LINGO2: variants seen among roughly 807,000 people sequenced by gnomAD.
LINGO2 encodes leucine-rich repeat and immunoglobulin-like domain-containing nogo receptor-interacting protein 2.
Under a neutral mutation model 30.6 loss-of-function variants are expected in LINGO2, and 14 were observed. The observed-to-expected ratio is 0.46, with a 90% confidence interval of 0.30 to 0.72. The LOEUF is 0.72. Ranked by LOEUF, LINGO2 falls within the 30% of genes least tolerant of loss-of-function variation. The probability of loss-of-function intolerance (pLI) is 0.07; values close to 1 mark genes in which losing one functional copy is unlikely to be tolerated. For missense variants in LINGO2, 729 were observed against 751.7 expected (o/e 0.97, Z 0.35); for synonymous variants, 317 against 288.5 (o/e 1.10, Z -1.00).
At chr9:28,038,379 C>T (rs900144624) in intron 4 of LINGO2, among the ~76,000 whole-genome samples, 1 of 152,140 alleles carries the variant, frequency 6.6e-6, no homozygotes, top group African/African-American at 2.4e-5. Context: ...TGCACCTGCT[C>T]ATATTCATAA....
the LINGO2 span, among the ~76,000 whole-genome samples, chr9:28,914,875 G>A: frequency 6.6e-6 from 1 of 152,208 alleles, no homozygotes; most frequent in Non-Finnish European, 1.5e-5. Context: ...GCTCACGCCT[G>A]TAATCCCAGC....
chr9:28,054,746 C>T (rs1416741779), intron 4 of LINGO2, among the ~76,000 whole-genome samples: 1 of 152,008 alleles, frequency 6.6e-6, no homozygotes, highest in Non-Finnish European at 1.5e-5. Flanking sequence ...TATTGATATC[C>T]ACAAATACCA....
At chr9:28,095,441 G>T (rs1334558719) in intron 4 of LINGO2, among the ~76,000 whole-genome samples, 1 of 151,992 alleles carries the variant, frequency 6.6e-6, no homozygotes, top group Admixed American at 6.6e-5. Flanking sequence ...ACAAACCTGA[G>T]GAAAACAAGC....
At chr9:28,600,286 C>A (rs1179165185) in intron 1 of LINGO2, among the ~76,000 whole-genome samples, 1 of 152,084 alleles carries the variant, frequency 6.6e-6, no homozygotes, top group Non-Finnish European at 1.5e-5. Context: ...GTAATGAGGA[C>A]AAAGTCAGCT....
At chr9:29,008,902 C>A in the LINGO2 span, among the ~76,000 whole-genome samples, 2 of 152,040 alleles carry the variant, frequency 1.3e-5, no homozygotes, top group Non-Finnish European at 2.9e-5. Context: ...TAAACGTAAT[C>A]CAGCATATAA....
intron 2 of LINGO2, among the ~76,000 whole-genome samples, chr9:28,434,199 G>A (rs985304621): frequency 6.6e-6 from 1 of 151,412 alleles, no homozygotes; most frequent in African/African-American, 2.4e-5. Flanking sequence ...GGGGACTATG[G>A]GTTGTGGGAA....
chr9:28,996,443 A>T, the LINGO2 span, among the ~76,000 whole-genome samples: 1 of 152,112 alleles, frequency 6.6e-6, no homozygotes, highest in Non-Finnish European at 1.5e-5. Flanking sequence ...GGAATATGGC[A>T]CTCTTCTATG....
chr9:28,089,594 G>A (rs1341086290), intron 4 of LINGO2, among the ~76,000 whole-genome samples: 1 of 151,804 alleles, frequency 6.6e-6, no homozygotes, highest in East Asian at 1.9e-4. Flanking sequence ...TAGCACTAAA[G>A]GCCCACAAGA....
At chr9:28,064,857 A>G (rs1825265392) in intron 4 of LINGO2, among the ~76,000 whole-genome samples, 1 of 151,998 alleles carries the variant, frequency 6.6e-6, no homozygotes, top group Non-Finnish European at 1.5e-5. Flanking sequence ...TCTTGCTAGC[A>G]TGGCACTGGC....
intron 1 of LINGO2, among the ~76,000 whole-genome samples, chr9:28,499,694 C>A (rs1259964614): frequency 1.3e-5 from 2 of 152,170 alleles, no homozygotes; most frequent in Non-Finnish European, 2.9e-5. Flanking sequence ...TAGCACAGTA[C>A]ATGGCCATAG....
At chr9:28,812,484 T>C in the LINGO2 span, among the ~76,000 whole-genome samples, 1 of 152,176 alleles carries the variant, frequency 6.6e-6, no homozygotes, top group African/African-American at 2.4e-5. Flanking sequence ...TTTTCAAAAG[T>C]AGGGAACAAT....
At chr9:28,533,906 C>A (rs1385728084) in intron 1 of LINGO2, among the ~76,000 whole-genome samples, 4 of 152,222 alleles carry the variant, frequency 2.6e-5, no homozygotes, top group African/African-American at 7.2e-5. Context: ...GTTTAAATAT[C>A]TATTTTGGAC....
At chr9:29,142,650 T>C in the LINGO2 span, among the ~76,000 whole-genome samples, 2 of 151,770 alleles carry the variant, frequency 1.3e-5, no homozygotes, top group Non-Finnish European at 2.9e-5. Context: ...TGCCTCAACA[T>C]AATAAAGGCC....
chr9:28,531,069 T>C (rs1184452198), intron 1 of LINGO2, among the ~76,000 whole-genome samples: 1 of 147,644 alleles, frequency 6.8e-6, no homozygotes, highest in Non-Finnish European at 1.5e-5. Context: ...ATATATAATA[T>C]ATAAAATTCC....
At chr9:28,760,308 T>C in the LINGO2 span, among the ~76,000 whole-genome samples, 2 of 152,034 alleles carry the variant, frequency 1.3e-5, no homozygotes, top group South Asian at 2.1e-4. Flanking sequence ...ATAGGTAATT[T>C]ACATTGAATG....
chr9:29,059,550 G>C, the LINGO2 span, among the ~76,000 whole-genome samples: 1 of 151,652 alleles, frequency 6.6e-6, no homozygotes, highest in South Asian at 2.1e-4. Context: ...GAATGAAACA[G>C]ATTAAAAAGA....
At position 28,662,871 on chromosome 9, in the gene LINGO2, T is replaced by A. The variant is rs560230650; in HGVS notation, c.-365+7329A>T. ...CTTCTGACCATTCAGCAAAAAAGAC[T>A]TTGATTTCCAACATTGTGAGTAAGC... On this transcript the variant is annotated intron_variant, in intron 1 of 5. Coordinates refer to ENST00000379992, the Ensembl canonical transcript of LINGO2. Among the ~76,000 whole-genome samples the A allele has an allele frequency of 9.9e-5, 15 of 152,266 alleles. No homozygotes were observed. The South Asian group carries it at 3.1e-3, about 32-fold the overall frequency.
chr9:28,833,561 C>T, the LINGO2 span, among the ~76,000 whole-genome samples: 2 of 152,164 alleles, frequency 1.3e-5, no homozygotes, highest in Non-Finnish European at 2.9e-5. Context: ...TTGTTGAATT[C>T]TCCATTATCA....
chr9:28,863,183 A>G, the LINGO2 span, among the ~76,000 whole-genome samples: 1 of 152,120 alleles, frequency 6.6e-6, no homozygotes, highest in Non-Finnish European at 1.5e-5. Flanking sequence ...GTACTGCATA[A>G]CAATGATGTC....
Sources: allele counts gnomAD v4.1 joint callset (sites outside exome capture counted in the v4.1 genomes callset), GRCh38; gene constraint gnomAD v4.1.1; transcripts MANE v1.5; gene names NCBI Gene and HGNC (gene_info 2026-07-23, HGNC 2026-07-21).